ULK4: variants seen among roughly 807,000 people sequenced by gnomAD.
ULK4 encodes the protein inactive serine/threonine-protein kinase ULK4.
A neutral mutation model predicts 160.6 loss-of-function variants in ULK4; 133 were observed. The ratio of observed to expected loss-of-function variants is 0.83; its 90% CI spans 0.72 to 0.96. The LOEUF is 0.96. ULK4 is among the 40% of genes least tolerant of loss of function. ULK4 has a pLI of 0.00. For synonymous variants in ULK4, 534 were observed against 539.8 expected, an observed-to-expected ratio of 0.99 and a Z score of 0.15; for missense variants, 1,580 against 1,499.5, an observed-to-expected ratio of 1.05 and a Z score of -0.89.
chr3:41,321,676 G>A lies in ULK4; in HGVS notation c.3679-72102C>T, dbSNP rs536066370. ...GATCAGAAGCTTCCTGATAGGAGTC[G>A]GGTGAGTGGGCTCAAGCATGTGCAC... On this transcript the variant is annotated intron_variant, in intron 35 of 36. Transcript: ENST00000301831. Among the ~76,000 whole-genome samples the A allele has an allele frequency of 2.7e-5, 3 of 111,848 alleles. No homozygotes were observed. The East Asian group carries it at 6.7e-4, about 25-fold the overall frequency. The allele number at this position is 111,848 out of a possible 152,430, so 73.4% of individuals were successfully genotyped here.
intron 20 of ULK4, among the ~76,000 whole-genome samples, chr3:41,794,683 A>AC (rs1419703865): frequency 7.9e-6 from 1 of 126,802 alleles, no homozygotes; most frequent in Non-Finnish European, 1.6e-5. Context: ...AAAAAAAAAA[A>AC]AAACACAGAA....
At chr3:41,836,641 C>T (rs1172789934) in intron 17 of ULK4, among the ~76,000 whole-genome samples, 2 of 152,174 alleles carry the variant, frequency 1.3e-5, no homozygotes, top group African/African-American at 4.8e-5. Flanking sequence ...TACCATGCCA[C>T]GTCCCTGGTA....
intron 5 of ULK4, among the ~76,000 whole-genome samples, chr3:41,922,036 C>T (rs1330227797): frequency 6.6e-6 from 1 of 151,978 alleles, no homozygotes; most frequent in Non-Finnish European, 1.5e-5. Flanking sequence ...GCCTGTAATC[C>T]CAGCTACTCC....
intron 21 of ULK4, among the ~76,000 whole-genome samples, chr3:41,783,352 C>T (rs1264329012): frequency 6.6e-6 from 1 of 151,998 alleles, no homozygotes; most frequent in Non-Finnish European, 1.5e-5. Context: ...GTCTGGTCAA[C>T]ATGGCAAAAC....
intron 35 of ULK4, among the ~76,000 whole-genome samples, chr3:41,297,629 T>C (rs566947391): frequency 1.1e-3 from 171 of 152,332 alleles, no homozygotes; most frequent in Non-Finnish European, 2.2e-3. Flanking sequence ...GAGCCAATCC[T>C]GTTTTTAAGG....
intron 34 of ULK4, among the ~76,000 whole-genome samples, chr3:41,448,824 T>C (rs947952022): frequency 1.3e-5 from 2 of 152,138 alleles, no homozygotes; most frequent in African/African-American, 2.4e-5. Context: ...GCTTGGGCAA[T>C]TGAGTGGAAG....
At chr3:41,882,636 T>C (rs1333033543) in intron 17 of ULK4, among the ~76,000 whole-genome samples, 1 of 152,228 alleles carries the variant, frequency 6.6e-6, no homozygotes, top group Admixed American at 6.5e-5. Context: ...CTGCAACTAC[T>C]GAATCATTTA....
intron 17 of ULK4, among the ~76,000 whole-genome samples, chr3:41,869,297 G>A: frequency 6.6e-6 from 1 of 151,984 alleles, no homozygotes; most frequent in Non-Finnish European, 1.5e-5. Context: ...GGGCTATACA[G>A]GGCACCATGG....
chr3:41,675,772 T>C (rs2035692005), intron 29 of ULK4, among the ~76,000 whole-genome samples: 1 of 152,034 alleles, frequency 6.6e-6, no homozygotes. Context: ...ACAAACCAAA[T>C]ATCACTTGCA....
intron 17 of ULK4, chr3:41,854,839 T>C (rs1260415800): frequency 6.6e-6 from 1 of 151,360 alleles, no homozygotes; most frequent in East Asian, 2.0e-4. Flanking sequence ...CCCTTTCAAG[T>C]GCCACCACAG....
intron 32 of ULK4, among the ~76,000 whole-genome samples, chr3:41,518,328 G>A (rs2085818561): frequency 6.6e-6 from 1 of 152,058 alleles, no homozygotes; most frequent in Non-Finnish European, 1.5e-5. Flanking sequence ...TGTTAATGCT[G>A]GATCACTGCT....
At chr3:41,320,092 G>T (rs990222831) in intron 35 of ULK4, among the ~76,000 whole-genome samples, 1 of 152,210 alleles carries the variant, frequency 6.6e-6, no homozygotes, top group African/African-American at 2.4e-5. Flanking sequence ...CATGATTGGA[G>T]AATCTGCTGC....
At chr3:41,955,142 TGGCCA>T (rs1177190881) in intron 1 of ULK4, among the ~76,000 whole-genome samples, 4 of 151,906 alleles carry the variant, frequency 2.6e-5, no homozygotes, top group Non-Finnish European at 5.9e-5. Flanking sequence ...ATACAAAAAT[TGGCCA>T]GGTGTTGTGA....
At chr3:41,689,985 T>C (rs1272043660) in intron 27 of ULK4, among the ~76,000 whole-genome samples, 2 of 148,682 alleles carry the variant, frequency 1.3e-5, no homozygotes, top group Non-Finnish European at 2.9e-5. Context: ...TAAAGACACA[T>C]GCACACGTAT....
chr3:41,681,526 C>G lies in ULK4; in HGVS notation c.2960G>C (p.Arg987Pro), dbSNP rs776777590. The G allele has an allele frequency of 1.9e-6, 3 of 1,613,866 alleles. No homozygotes were observed. The highest frequency in any genetic ancestry group is 1.7e-5 in the Admixed American group (1 of 59,976). ...TACTTACTGGGGAAGTAAGACATCT[C>G]GAATGAGAGCCAGAAGATTGCTGTC... The part of the protein sequence containing the change: ...DSDSNLLALI[R>P]DVLLPQYEHI... Residue 987 changes from arginine (R) to proline (P), a missense_variant, in exon 29 of 37, where the codon CGA (arginine) becomes CCA (proline). By Grantham distance (103) the Arg-to-Pro change is moderately radical. Coordinates refer to ENST00000301831, the MANE Select transcript of ULK4 (RefSeq NM_017886.4).
intron 31 of ULK4, among the ~76,000 whole-genome samples, chr3:41,594,879 T>A (rs1484818725): frequency 6.6e-6 from 1 of 151,438 alleles, no homozygotes; most frequent in Non-Finnish European, 1.5e-5. Context: ...GTGAGAGTAA[T>A]GGAGATGGAG....
intron 32 of ULK4, among the ~76,000 whole-genome samples, chr3:41,529,784 C>A (rs7643254): frequency 6.6e-6 from 1 of 152,100 alleles, no homozygotes; most frequent in Admixed American, 6.5e-5. Context: ...TGAGCCACCA[C>A]GCCCAGCCAG....
At chr3:41,459,381 A>G (rs375078588) in intron 33 of ULK4, among the ~76,000 whole-genome samples, 6 of 152,126 alleles carry the variant, frequency 3.9e-5, no homozygotes, top group South Asian at 2.1e-4. Context: ...TCCTGTCGTT[A>G]TATCTCCAGC....
rs76301801 is a variant in ULK4 at position 41,945,587 on chromosome 3, G to A, written c.139-7390C>T. On this transcript the variant is annotated intron_variant, in intron 2 of 36. Coordinates refer to ENST00000301831, the MANE Select transcript of ULK4 (RefSeq NM_017886.4). ...TCAGTCCTCTTCTATCTTCCCTCAC[G>A]TTGGCCTAATGTCTATATGCTGATG... is the stretch of plus-strand genomic sequence containing the variant. Among the ~76,000 whole-genome samples the A allele has an allele frequency of 1.5e-3, 224 of 152,072 alleles. 3 individuals carry two copies. The East Asian group carries it at 0.036, about 25-fold the overall frequency.
Sources: gnomAD v4.1 joint callset for allele counts (sites outside exome capture counted in the v4.1 genomes callset) on GRCh38, gnomAD v4.1.1 for gene constraint, MANE v1.5 for transcripts, NCBI Gene and HGNC (gene_info 2026-07-23, HGNC 2026-07-21) for gene names.